The following GLG1 variants were observed in gnomAD, a reference collection of about 807,000 sequenced individuals.
GLG1 encodes the protein golgi glycoprotein 1.
Under a neutral mutation model 160.5 loss-of-function variants are expected in GLG1, and 38 were observed. The observed-to-expected ratio is 0.24, with a 90% CI of 0.18 to 0.31. GLG1 has a LOEUF of 0.31. GLG1 is among the 10% of genes least tolerant of loss of function. The probability of loss-of-function intolerance (pLI) is 1.00; values close to 1 mark genes in which losing one functional copy is unlikely to be tolerated. For missense variants in GLG1, 1,373 were observed against 1,505.2 expected (o/e 0.91, Z 1.45); for synonymous variants, 644 against 543.4 (o/e 1.19, Z -2.57).
intron 8 of GLG1, among the ~76,000 whole-genome samples, chr16:74,487,602 C>T (rs930574923): frequency 6.6e-6 from 1 of 152,106 alleles, no homozygotes; most frequent in Non-Finnish European, 1.5e-5. Flanking sequence ...AAATTACTAT[C>T]GAATGATTAC....
At chr16:74,550,726 A>T (rs1597337891) in intron 1 of GLG1, among the ~76,000 whole-genome samples, 1 of 152,268 alleles carries the variant, frequency 6.6e-6, no homozygotes, top group Non-Finnish European at 1.5e-5. Context: ...GCTTGGCAGC[A>T]ATCTTCTGAA....
chr16:74,462,520 T>G lies in GLG1; in HGVS notation c.2902A>C (p.Ile968Leu). 6.2e-7 allele frequency: 1 copy of G among 1,614,102 alleles called. No homozygotes were observed. The highest frequency in any genetic ancestry group is 1.1e-5 in the South Asian group (1 of 91,086). Reference sequence around the variant, plus strand: ...GCATATCTCAGCTTCAGGCAAGAGATGACTTGTCCTTCTAATTCTGAATCA... The same window carrying G: ...GCATATCTCAGCTTCAGGCAAGAGAGGACTTGTCCTTCTAATTCTGAATCA... Reference protein sequence around the residue: ...KDDSELEGQVISCLKLRYADQ... With the variant: ...KDDSELEGQVLSCLKLRYADQ... The change falls in exon 21 of 26, where the codon ATC (isoleucine) becomes CTC (leucine). Residue 968 changes from isoleucine (I) to leucine (L), a missense_variant. By Grantham distance (5) the Ile-to-Leu change is conservative. Around this residue, in one of 4 missense-constraint regions of GLG1, gnomAD observed 491 missense variants for 632.1 expected, o/e 0.78. Transcript: ENST00000422840.
At chr16:74,573,981 T>C (rs895367802) in intron 1 of GLG1, among the ~76,000 whole-genome samples, 2 of 152,088 alleles carry the variant, frequency 1.3e-5, no homozygotes, top group Non-Finnish European at 2.9e-5. Flanking sequence ...AGGCATGACT[T>C]CTCCATGTTG....
intron 2 of GLG1, among the ~76,000 whole-genome samples, chr16:74,513,458 A>C (rs1439260185): frequency 6.6e-6 from 1 of 152,166 alleles, no homozygotes; most frequent in African/African-American, 2.4e-5. Context: ...ATCAGGCAGC[A>C]ATATTTGCTG....
intron 2 of GLG1, among the ~76,000 whole-genome samples, chr16:74,512,351 C>T (rs1176933995): frequency 6.8e-6 from 1 of 146,768 alleles, no homozygotes; most frequent in Non-Finnish European, 1.5e-5. Context: ...GCAACCTCCG[C>T]CCCCCGGGTT....
At position 74,580,680 on chromosome 16, in the gene GLG1, C is replaced by A. The variant is rs538609426; in HGVS notation, c.438+25977G>T. Among the ~76,000 whole-genome samples the A allele has an allele frequency of 1.6e-4, 25 of 152,228 alleles. No homozygotes were observed. The South Asian group carries it at 4.8e-3, about 29-fold the overall frequency. On this transcript the variant is annotated intron_variant, in intron 1 of 25. Coordinates refer to ENST00000422840, the MANE Select transcript of GLG1 (RefSeq NM_001145667.2). ...CAAAAGAAAATGATAAAGTAAACTACATCAAAGTTGAAGACGACCAAATCA... is the reference window on the plus strand; with the variant it reads ...CAAAAGAAAATGATAAAGTAAACTAAATCAAAGTTGAAGACGACCAAATCA...
At chr16:74,532,643 G>C (rs2550805) in intron 1 of GLG1, among the ~76,000 whole-genome samples, 145,377 of 151,934 alleles carry the variant, frequency 0.96, 69,896 homozygotes, top group East Asian at 1. Flanking sequence ...CTGGCCTCAG[G>C]CTCCCGAGTA....
chr16:74,518,190 TA>T (rs748129680), intron 2 of GLG1, among the ~76,000 whole-genome samples: 1 of 151,964 alleles, frequency 6.6e-6, no homozygotes, highest in Non-Finnish European at 1.5e-5. Context: ...ACAGAATTGG[TA>T]AAAACGACTT....
intron 1 of GLG1, among the ~76,000 whole-genome samples, chr16:74,533,756 G>C (rs566253311): frequency 1.3e-5 from 2 of 152,160 alleles, no homozygotes; most frequent in African/African-American, 4.8e-5. Context: ...ACTCCAGCCT[G>C]GGCAACAGAG....
intron 1 of GLG1, among the ~76,000 whole-genome samples, chr16:74,587,220 C>T (rs888923278): frequency 6.6e-6 from 1 of 152,154 alleles, no homozygotes; most frequent in Non-Finnish European, 1.5e-5. Context: ...AGGCAACAAA[C>T]CAGGTGAGCC....
intron 2 of GLG1, among the ~76,000 whole-genome samples, chr16:74,519,737 C>T (rs2053728886): frequency 6.6e-6 from 1 of 152,110 alleles, no homozygotes; most frequent in South Asian, 2.1e-4. Context: ...CAGAAGCGGG[C>T]ACTTTCAATT....
At chr16:74,573,287 A>G (rs1444695765) in intron 1 of GLG1, among the ~76,000 whole-genome samples, 3 of 152,210 alleles carry the variant, frequency 2.0e-5, no homozygotes, top group Non-Finnish European at 4.4e-5. Context: ...GAGAGATGCA[A>G]GAAGATACAG....
At chr16:74,492,314 C>G (rs2143385775) in intron 7 of GLG1, among the ~76,000 whole-genome samples, 1 of 150,610 alleles carries the variant, frequency 6.6e-6, no homozygotes, top group African/African-American at 2.4e-5. Context: ...TAGCAGTGAG[C>G]TGAGATTGTG....
At chr16:74,603,661 G>A (rs547415387) in intron 1 of GLG1, among the ~76,000 whole-genome samples, 2 of 151,876 alleles carry the variant, frequency 1.3e-5, no homozygotes, top group Non-Finnish European at 2.9e-5. Flanking sequence ...AAGTGCTACT[G>A]GCCATTTCAA....
At chr16:74,548,988 T>C (rs985954643) in intron 1 of GLG1, among the ~76,000 whole-genome samples, 16 of 151,806 alleles carry the variant, frequency 1.1e-4, no homozygotes, top group African/African-American at 3.1e-4. Context: ...AGAGACTCCA[T>C]CACCAAAAAA....
chr16:74,484,171 T>C (rs2015706811), intron 9 of GLG1, among the ~76,000 whole-genome samples: 1 of 152,044 alleles, frequency 6.6e-6, no homozygotes, highest in Non-Finnish European at 1.5e-5. Context: ...AAGAATATGA[T>C]TTTCTAATTC....
rs750934371 is a variant in GLG1 at position 74,480,374 on chromosome 16, C to A, written c.1694G>T (p.Arg565Leu). 56 of 1,612,830 alleles carry A rather than the reference C, an allele frequency of 3.5e-5. No individual in the cohort carries two copies. The highest frequency in any genetic ancestry group is 1.1e-4 in the East Asian group (5 of 44,884). Residue 565 changes from arginine to leucine, a missense_variant, in exon 11 of 26, where the codon CGC becomes CTC. By Grantham distance (102) the Arg-to-Leu change is moderately radical. Coordinates refer to ENST00000422840, the MANE Select transcript of GLG1 (RefSeq NM_001145667.2). ...ACGAGAAGCGTCTCCCTGGCACTTG[C>A]GGTACAGGACAGGGTCCAGCCTATA... ...RDWKLDPVLYRKCQGDASRLC... is the reference protein window; with the variant it reads ...RDWKLDPVLYLKCQGDASRLC...
At chr16:74,534,534 T>C (rs2017634375) in intron 1 of GLG1, among the ~76,000 whole-genome samples, 1 of 152,114 alleles carries the variant, frequency 6.6e-6, no homozygotes, top group Non-Finnish European at 1.5e-5. Flanking sequence ...CAAAATAATG[T>C]CAAATAAGAT....
At chr16:74,525,570 A>G (rs945733488) in intron 2 of GLG1, among the ~76,000 whole-genome samples, 11 of 150,342 alleles carry the variant, frequency 7.3e-5, no homozygotes, top group Non-Finnish European at 1.5e-5. Flanking sequence ...TGCTGGGATT[A>G]AAGGTATGAG....
Sources: allele counts gnomAD v4.1 joint callset (sites outside exome capture counted in the v4.1 genomes callset), GRCh38; gene constraint gnomAD v4.1.1; regional missense constraint gnomAD v4.1.1; transcripts MANE v1.5; gene names NCBI Gene and HGNC (gene_info 2026-07-23, HGNC 2026-07-21).